The following SAMD12 variants were observed in gnomAD, a reference collection of about 807,000 sequenced individuals.
SAMD12 encodes sterile alpha motif domain containing 12.
Under a neutral mutation model 15.0 loss-of-function variants are expected in SAMD12, and 9 were observed. The observed-to-expected ratio is 0.60, with a 90% CI of 0.36 to 1.05. The LOEUF (loss-of-function observed/expected upper bound fraction) is 1.05, where lower values mean the gene tolerates loss of function less well. Ranked by LOEUF, SAMD12 falls within the 50% of genes least tolerant of loss-of-function variation. The pLI, the probability that SAMD12 is intolerant of heterozygous loss-of-function variation, is 0.01. For missense variants in SAMD12, 230 were observed against 234.2 expected, an observed-to-expected ratio of 0.98 and a Z score of 0.12; for synonymous variants, 86 against 90.1, an observed-to-expected ratio of 0.96 and a Z score of 0.25.
At chr8:118,553,279 C>G (rs1826407345) in intron 2 of SAMD12, among the ~76,000 whole-genome samples, 1 of 152,188 alleles carries the variant, frequency 6.6e-6, no homozygotes, top group Admixed American at 6.5e-5. Flanking sequence ...TGACTTCAAA[C>G]TATACTACAA....
At chr8:118,372,657 C>T (rs1325344171) in intron 4 of SAMD12, among the ~76,000 whole-genome samples, 1 of 152,086 alleles carries the variant, frequency 6.6e-6, no homozygotes, top group Non-Finnish European at 1.5e-5. Flanking sequence ...CTTATGGCAG[C>T]TTTCTTTGTG....
At chr8:118,373,821 C>T (rs77815123), downstream of SAMD12, among the ~76,000 whole-genome samples, 1,060 of 152,172 alleles carry the variant, frequency 7.0e-3, 12 homozygotes, top group African/African-American at 0.023. Flanking sequence ...ACACTTTCTA[C>T]GTATTTGCAG....
chr8:118,617,065 A>G (rs1828257474), intron 1 of SAMD12, among the ~76,000 whole-genome samples: 1 of 152,258 alleles, frequency 6.6e-6, no homozygotes, highest in Admixed American at 6.5e-5. Flanking sequence ...CATCCCTATG[A>G]CGGGTAAGTT....
intron 3 of SAMD12, among the ~76,000 whole-genome samples, chr8:118,398,778 G>A (rs184048438): frequency 7.2e-5 from 11 of 152,330 alleles, no homozygotes; most frequent in South Asian, 6.2e-4. Flanking sequence ...CTTGATTGTA[G>A]TGATGGTTTC....
At chr8:118,552,533 A>G (rs1406787390) in intron 2 of SAMD12, among the ~76,000 whole-genome samples, 1 of 152,232 alleles carries the variant, frequency 6.6e-6, no homozygotes, top group African/African-American at 2.4e-5. Flanking sequence ...ACGTATTTCA[A>G]AATAATAAGA....
At chr8:118,584,956 AACAC>A (rs1331941480) in intron 1 of SAMD12, among the ~76,000 whole-genome samples, 4,663 of 134,664 alleles carry the variant, frequency 0.035, 113 homozygotes, top group Non-Finnish European at 0.048. Flanking sequence ...CACACACACA[AACAC>A]ACACACACAA....
chr8:118,198,665 G>A (rs1159714506), intron 4 of SAMD12, among the ~76,000 whole-genome samples: 1 of 152,102 alleles, frequency 6.6e-6, no homozygotes, highest in Non-Finnish European at 1.5e-5. Context: ...GCAAGTGTTT[G>A]ATTAACATTT....
rs189555260 is a variant in SAMD12 at position 118,369,689 on chromosome 8, C to T, written c.433+9871G>A. Among the ~76,000 whole-genome samples the T allele has an allele frequency of 8.6e-5, 13 of 151,634 alleles. No individual in the cohort carries two copies. The East Asian group carries it at 1.4e-3, about 16-fold the overall frequency. On this transcript the variant is annotated intron_variant, in intron 4 of 4. Transcript: ENST00000409003. ...GGGATCACGCCATTATACTCCCGCC[C>T]GGGCAACAAGAGTAAAACTCTGTCT... is the stretch of plus-strand genomic sequence containing the variant.
intron 3 of SAMD12, among the ~76,000 whole-genome samples, chr8:118,410,753 A>G (rs1025129756): frequency 2.0e-5 from 3 of 152,230 alleles, no homozygotes; most frequent in Non-Finnish European, 2.9e-5. Flanking sequence ...AGAATCACTC[A>G]GCAGAGCCTA....
chr8:118,180,171 A>G, the SAMD12 span, among the ~76,000 whole-genome samples: 1 of 152,134 alleles, frequency 6.6e-6, no homozygotes, highest in Admixed American at 6.6e-5. Flanking sequence ...TGTGTTCTGA[A>G]TCCTTTATCT....
chr8:118,469,435 T>C (rs1264092262), intron 2 of SAMD12, among the ~76,000 whole-genome samples: 3 of 119,848 alleles, frequency 2.5e-5, no homozygotes, highest in Non-Finnish European at 5.0e-5. Context: ...AACCTTCCTA[T>C]CTAGGGATCT....
At chr8:118,445,396 G>A (rs1007035026) in intron 2 of SAMD12, among the ~76,000 whole-genome samples, 4 of 152,162 alleles carry the variant, frequency 2.6e-5, no homozygotes, top group Admixed American at 1.3e-4. Flanking sequence ...ATTGCATGCT[G>A]TTTCCCGAAT....
chr8:118,395,152 G>A (rs1820489910), intron 3 of SAMD12, among the ~76,000 whole-genome samples: 1 of 152,168 alleles, frequency 6.6e-6, no homozygotes, highest in Admixed American at 6.5e-5. Flanking sequence ...ATGATAATGG[G>A]TTCAAAAGCT....
intron 2 of SAMD12, among the ~76,000 whole-genome samples, chr8:118,443,923 T>C (rs1822829069): frequency 6.6e-6 from 1 of 152,190 alleles, no homozygotes; most frequent in Non-Finnish European, 1.5e-5. Context: ...GAAGTACATG[T>C]TAAACCTTAT....
At chr8:118,415,243 C>T (rs544633060) in intron 3 of SAMD12, among the ~76,000 whole-genome samples, 1 of 152,280 alleles carries the variant, frequency 6.6e-6, no homozygotes, top group East Asian at 1.9e-4. Flanking sequence ...TCTTCATAAA[C>T]ATTTCTGCCA....
intron 2 of SAMD12, among the ~76,000 whole-genome samples, chr8:118,492,304 T>C (rs780309315): frequency 1.1e-4 from 16 of 152,038 alleles, no homozygotes; most frequent in Non-Finnish European, 2.2e-4. Flanking sequence ...TCAAAAAAAA[T>C]TGGGTTGTTT....
intron 4 of SAMD12, among the ~76,000 whole-genome samples, chr8:118,355,955 G>C (rs1384851706): frequency 6.6e-6 from 1 of 152,082 alleles, no homozygotes; most frequent in East Asian, 1.9e-4. Flanking sequence ...TATCTTGCTG[G>C]CTTGAGAATT....
chr8:118,525,619 C>T (rs893464245), intron 2 of SAMD12, among the ~76,000 whole-genome samples: 2 of 152,192 alleles, frequency 1.3e-5, no homozygotes, highest in Admixed American at 6.5e-5. Context: ...TCAGTCACTG[C>T]ATGTTTTCAC....
chr8:118,338,962 G>A (rs768471102), intron 4 of SAMD12, among the ~76,000 whole-genome samples: 1 of 152,160 alleles, frequency 6.6e-6, no homozygotes, highest in South Asian at 2.1e-4. Flanking sequence ...AGAATGAGCC[G>A]CCACTTATCT....
Sources: gnomAD v4.1 joint callset for allele counts (sites outside exome capture counted in the v4.1 genomes callset) on GRCh38, gnomAD v4.1.1 for gene constraint, MANE v1.5 for transcripts, NCBI Gene and HGNC (gene_info 2026-07-23, HGNC 2026-07-21) for gene names.